Variants in AP3S1 observed in about 807,000 individuals in gnomAD.
The protein encoded by AP3S1 is adaptor related protein complex 3 subunit sigma 1, also known as AP-3 complex subunit sigma-1.
Under a neutral mutation model 21.3 loss-of-function variants are expected in AP3S1, and 12 were observed. That is an observed-to-expected ratio of 0.56 (90% CI 0.36 to 0.91). AP3S1 has a LOEUF of 0.91. AP3S1 is among the 40% of genes least tolerant of loss of function. AP3S1 has a pLI of 0.01. For missense variants in AP3S1, 116 were observed against 225.0 expected (o/e 0.52, Z 3.10); for synonymous variants, 48 against 78.4 (o/e 0.61, Z 2.05).
intron 3 of AP3S1, among the ~76,000 whole-genome samples, chr5:115,876,643 C>T (rs1309126846): frequency 1.3e-5 from 2 of 152,174 alleles, no homozygotes; most frequent in Non-Finnish European, 2.9e-5. Context: ...ATGTAATTCA[C>T]ACATTCCATT....
At chr5:115,850,281 C>T (rs143894124) in intron 1 of AP3S1, among the ~76,000 whole-genome samples, 6 of 151,998 alleles carry the variant, frequency 3.9e-5, no homozygotes, top group East Asian at 1.9e-4. Context: ...TTGATTCTAC[C>T]GCATACATAT....
In AP3S1 at chr5:115,859,965, C is replaced by T. The variant is rs1324362133; in HGVS notation, c.70-6705C>T. Among the ~76,000 whole-genome samples the T allele has an allele frequency of 3.3e-5, 5 of 152,262 alleles. No individual in the cohort carries two copies. The East Asian group carries it at 9.6e-4, about 29-fold the overall frequency. ...CCACAGACTTAGTGGCTTAAAACAA[C>T]CCAAACTTATCGTTGTACGGTTCTG... On this transcript the variant is annotated intron_variant, in intron 1 of 5. Coordinates refer to ENST00000316788, the MANE Select transcript of AP3S1 (RefSeq NM_001284.4).
At chr5:115,907,004 T>G in intron 5 of AP3S1, 3 of 1,244,736 alleles carry the variant, frequency 2.4e-6, no homozygotes, top group Non-Finnish European at 3.0e-6. Context: ...CCATTCTAGT[T>G]TCTCCTTGTA....
intron 3 of AP3S1, among the ~76,000 whole-genome samples, chr5:115,884,756 T>C (rs1282937800): frequency 6.6e-6 from 1 of 152,246 alleles, no homozygotes; most frequent in Non-Finnish European, 1.5e-5. Flanking sequence ...TAGGTTCACA[T>C]CATAATTTCT....
intron 3 of AP3S1, among the ~76,000 whole-genome samples, chr5:115,877,976 G>A (rs916448218): frequency 2.2e-4 from 34 of 152,066 alleles, no homozygotes; most frequent in African/African-American, 8.2e-4. Context: ...CTTCATATGT[G>A]CGTTGACTGC....
intron 3 of AP3S1, among the ~76,000 whole-genome samples, chr5:115,888,849 G>A (rs989646022): frequency 6.6e-6 from 1 of 152,072 alleles, no homozygotes; most frequent in Non-Finnish European, 1.5e-5. Flanking sequence ...TTTATTAAAT[G>A]GGTCTTCGGA....
chr5:115,897,783 C>T (rs556358868), intron 4 of AP3S1, among the ~76,000 whole-genome samples: 1 of 152,018 alleles, frequency 6.6e-6, no homozygotes, highest in Admixed American at 6.6e-5. Context: ...AGGATGGTCT[C>T]GATCTCCTGA....
At chr5:115,910,081 A>C (rs1751975729) in intron 5 of AP3S1, among the ~76,000 whole-genome samples, 1 of 152,080 alleles carries the variant, frequency 6.6e-6, no homozygotes, top group South Asian at 2.1e-4. Context: ...TGGGCAACAC[A>C]GTGAGACCCC....
chr5:115,903,795 A>C (rs1422627350), intron 5 of AP3S1: 1 of 152,170 alleles, frequency 6.6e-6, no homozygotes, highest in African/African-American at 2.4e-5. Flanking sequence ...GGTTCACATT[A>C]TTTTGGTTGT....
At chr5:115,906,747 T>G in intron 5 of AP3S1, 2 of 1,199,900 alleles carry the variant, frequency 1.7e-6, no homozygotes, top group Non-Finnish European at 2.3e-6. Flanking sequence ...TAGTCACTAC[T>G]TTTTGAAAGT....
intron 1 of AP3S1, among the ~76,000 whole-genome samples, chr5:115,860,119 T>C (rs1580637705): frequency 2.0e-5 from 3 of 152,312 alleles, no homozygotes; most frequent in Non-Finnish European, 2.9e-5. Context: ...GCCACCCTCA[T>C]TCCTTGCTCA....
intron 5 of AP3S1, chr5:115,906,880 A>G: frequency 6.7e-7 from 1 of 1,501,820 alleles, no homozygotes; most frequent in Non-Finnish European, 8.8e-7. Flanking sequence ...GACTTTGAGA[A>G]ATATGTACTA....
rs114935017 is a variant in AP3S1, at chr5:115,905,286, T to C, written c.453+2294T>C. 8.3e-3 allele frequency among the ~76,000 whole-genome samples: 1,266 copies of C among 152,340 alleles called. 16 individuals are homozygous for C. The highest frequency in any genetic ancestry group is 0.029 in the African/African-American group (1,188 of 41,584). On this transcript the variant is annotated intron_variant, in intron 5 of 5. Transcript: ENST00000316788. ...TATAAAGAGCAGTAAAATGCGTAATTTACATTTCAATGGAAATAGTTATAA... is the reference window on the plus strand; with the variant it reads ...TATAAAGAGCAGTAAAATGCGTAATCTACATTTCAATGGAAATAGTTATAA...
chr5:115,849,190 G>A (rs1762267255), intron 1 of AP3S1, among the ~76,000 whole-genome samples: 1 of 152,192 alleles, frequency 6.6e-6, no homozygotes, highest in Non-Finnish European at 1.5e-5. Flanking sequence ...TTACATTCTG[G>A]TGATAGGAGA....
At chr5:115,846,551 T>C (rs1053663606) in intron 1 of AP3S1, among the ~76,000 whole-genome samples, 1 of 151,368 alleles carries the variant, frequency 6.6e-6, no homozygotes, top group Non-Finnish European at 1.5e-5. Flanking sequence ...GATTCTTCTT[T>C]CTCGTTTTTT....
At position 115,895,035 on chromosome 5, in the gene AP3S1, T is replaced by C. The variant is rs1178548996; in HGVS notation, c.274-52T>C. The C allele has an allele frequency of 5.7e-6, 7 of 1,230,212 alleles. No homozygotes were observed. In the Admixed American group the frequency reaches 1.0e-4, roughly 18 times the overall value. 76.2% of individuals were successfully genotyped at this position (1,230,212 alleles called of 1,614,324 possible). A position where few individuals can be genotyped will look rare whatever the true frequency, so the allele number is the denominator to read the frequency against. On this transcript the variant is annotated intron_variant, in intron 3 of 5. Transcript: ENST00000316788. ...TAAGAATTGCCTTCCTTATAGATAA[T>C]AGTTTTGAATAAATTTAAACAGTTC...
At chr5:115,859,379 T>C (rs1044297420) in intron 1 of AP3S1, among the ~76,000 whole-genome samples, 1 of 152,236 alleles carries the variant, frequency 6.6e-6, no homozygotes, top group Non-Finnish European at 1.5e-5. Flanking sequence ...CTAGTTAGCA[T>C]GGAAGATTTT....
intron 5 of AP3S1, among the ~76,000 whole-genome samples, chr5:115,912,713 G>A (rs1276755787): frequency 6.6e-6 from 1 of 151,988 alleles, no homozygotes; most frequent in Non-Finnish European, 1.5e-5. Context: ...GCATCAAAGG[G>A]TTGGAATGAT....
At chr5:115,901,748 G>T (rs1751233618) in intron 4 of AP3S1, among the ~76,000 whole-genome samples, 1 of 151,960 alleles carries the variant, frequency 6.6e-6, no homozygotes. Flanking sequence ...TAAAGGCAGG[G>T]TTTTGCCATA....
Sources: gnomAD v4.1 joint callset for allele counts (sites outside exome capture counted in the v4.1 genomes callset) on GRCh38, gnomAD v4.1.1 for gene constraint, MANE v1.5 for transcripts, NCBI Gene and HGNC (gene_info 2026-07-23, HGNC 2026-07-21) for gene names.